The following BTD variants were observed in gnomAD, a reference collection of about 807,000 sequenced individuals.
BTD encodes biocytinase.
In BTD, 13 loss-of-function variants were observed where a neutral mutation model predicts 17.7. The observed-to-expected ratio is 0.74, with a 90% CI of 0.48 to 1.17. The LOEUF (loss-of-function observed/expected upper bound fraction) is 1.17, where lower values mean the gene tolerates loss of function less well. Ranked by LOEUF, BTD falls within the 50% of genes most tolerant of loss-of-function variation. The pLI is 0.00. For synonymous variants in BTD, 240 were observed against 245.2 expected, an observed-to-expected ratio of 0.98 and a Z score of 0.20; for missense variants, 674 against 650.4, an observed-to-expected ratio of 1.04 and a Z score of -0.39.
chr3:15,714,485 C>T (rs2072749216), downstream of BTD: 1 of 855,264 alleles, frequency 1.2e-6, no homozygotes, highest in Non-Finnish European at 1.7e-6. Context: ...AATGCGATGA[C>T]AATTCCTCAA....
chr3:15,718,527 C>T (rs1438544383), intron 4 of BTD, among the ~76,000 whole-genome samples: 2 of 152,122 alleles, frequency 1.3e-5, no homozygotes, highest in Non-Finnish European at 2.9e-5. Flanking sequence ...AAAATACAGA[C>T]TTAAAAACAA....
intron 3 of BTD, among the ~76,000 whole-genome samples, chr3:15,660,736 A>G (rs2065913343): frequency 6.6e-6 from 1 of 152,166 alleles, no homozygotes; most frequent in East Asian, 1.9e-4. Context: ...CATACAGAGT[A>G]ACTTTGCTCT....
At chr3:15,643,915 A>T (rs1266367937) in intron 3 of BTD, among the ~76,000 whole-genome samples, 2 of 149,796 alleles carry the variant, frequency 1.3e-5, no homozygotes, top group African/African-American at 4.9e-5. Flanking sequence ...AAGAAAAGAA[A>T]GAAAAAAAAA....
intron 3 of BTD, among the ~76,000 whole-genome samples, chr3:15,700,538 G>A (rs771730167): frequency 5.9e-5 from 9 of 152,042 alleles, no homozygotes; most frequent in Non-Finnish European, 1.2e-4. Context: ...CACTTTGAGA[G>A]GCTGAGGCGG....
chr3:15,698,639 A>C (rs1447118986), intron 3 of BTD, among the ~76,000 whole-genome samples: 1 of 152,228 alleles, frequency 6.6e-6, no homozygotes, highest in African/African-American at 2.4e-5. Context: ...TCCCATTCAC[A>C]ACTGCTACAA....
At chr3:15,704,135 T>C (rs1473924367) in intron 3 of BTD, among the ~76,000 whole-genome samples, 2 of 152,182 alleles carry the variant, frequency 1.3e-5, no homozygotes, top group Admixed American at 1.3e-4. Flanking sequence ...TTTATTAATA[T>C]TTCACATATT....
rs376696129 is a variant in BTD at position 15,642,096 on chromosome 3, C to T, written c.399+39C>T. Reference sequence around the variant, plus strand: ...TTTTCCTCAGTAGGCTGAGGGTACACAGAGGTGATCTAAGTCAGGGACCAG... The same window carrying T: ...TTTTCCTCAGTAGGCTGAGGGTACATAGAGGTGATCTAAGTCAGGGACCAG... On this transcript the variant is annotated intron_variant, in intron 3 of 3. Coordinates refer to ENST00000643237, the MANE Select transcript of BTD (RefSeq NM_001370658.1). 6.2e-6 allele frequency: 10 copies of T among 1,612,064 alleles called. No homozygotes were observed. The African/African-American group carries it at 9.3e-5, about 15-fold the overall frequency.
chr3:15,677,440 A>G (rs1204033067), intron 3 of BTD: 2 of 1,470,050 alleles, frequency 1.4e-6, no homozygotes, highest in Non-Finnish European at 1.9e-6. Context: ...GTCACTGTTA[A>G]TATTAACAAT....
intron 1 of BTD, among the ~76,000 whole-genome samples, chr3:15,614,121 C>CT (rs1389454960): frequency 0.01 from 1,333 of 131,642 alleles, 16 homozygotes; most frequent in African/African-American, 0.024. Flanking sequence ...CTCTTTCTTT[C>CT]TTTCTTTTTT....
rs2065797208 is a variant in BTD, at chr3:15,651,200, A to AGCG, written c.*5713_*5715dup. On this transcript the variant is annotated 3_prime_UTR_variant, in exon 4 of 4. Coordinates refer to ENST00000643237, the MANE Select transcript of BTD (RefSeq NM_001370658.1). ...CTGTTTCCCAGGGGAACACTGGGAC[A>AGCG]GCGTTACCAGGGGAAGGGGAGTGGG... Among the ~76,000 whole-genome samples the AGCG allele has an allele frequency of 6.6e-6, 1 of 152,226 alleles. No homozygotes were observed.
chr3:15,643,649 T>G (rs1324812262), intron 3 of BTD, among the ~76,000 whole-genome samples: 2 of 152,230 alleles, frequency 1.3e-5, no homozygotes, highest in African/African-American at 4.8e-5. Context: ...CTTTTCTTTG[T>G]CCTTCTGTGA....
intron 1 of BTD, among the ~76,000 whole-genome samples, chr3:15,618,055 A>G: frequency 6.6e-6 from 1 of 152,230 alleles, no homozygotes; most frequent in East Asian, 1.9e-4. Flanking sequence ...TCCTGGGATC[A>G]AGTGATCTTC....
At chr3:15,610,544 C>T (rs1056753696) in intron 1 of BTD, among the ~76,000 whole-genome samples, 1 of 152,208 alleles carries the variant, frequency 6.6e-6, no homozygotes, top group Non-Finnish European at 1.5e-5. Flanking sequence ...AGTTCATTCT[C>T]ATCCCAGTGA....
rs1219497813 is a variant in BTD, at chr3:15,649,334, C to T, written c.*3846C>T. ...TCTTTTATTAACTAGTCTCAGAAGT[C>T]ACACTGCATCATTTGGCACCATCTT... On this transcript the variant is annotated 3_prime_UTR_variant, in exon 4 of 4. Transcript: ENST00000643237. Among the ~76,000 whole-genome samples, 2 of 152,236 alleles carry T rather than the reference C, an allele frequency of 1.3e-5. No individual in the cohort carries two copies. Among genetic ancestry groups the T allele is most frequent in the African/African-American group, 4.8e-5 (2 of 41,462 alleles).
intron 1 of BTD, among the ~76,000 whole-genome samples, chr3:15,626,396 A>G (rs894386177): frequency 6.6e-6 from 1 of 152,130 alleles, no homozygotes; most frequent in African/African-American, 2.4e-5. Flanking sequence ...TACAACTATC[A>G]TGGAAGACGC....
Position 15,649,528 on chromosome 3 carries a change from A to G in BTD, c.*4040A>G, listed in dbSNP as rs1226578017. ...CCCAACAGTTGCTGTTCCTCAGGCCAAAGTTCACATTCTGCACAGCCTCAG... is the reference window on the plus strand; with the variant it reads ...CCCAACAGTTGCTGTTCCTCAGGCCGAAGTTCACATTCTGCACAGCCTCAG... On this transcript the variant is annotated 3_prime_UTR_variant, in exon 4 of 4. Transcript: ENST00000643237. Among the ~76,000 whole-genome samples the G allele has an allele frequency of 6.6e-6, 1 of 152,194 alleles. No homozygotes were observed. The highest frequency in any genetic ancestry group is 2.4e-5 in the African/African-American group (1 of 41,440).
Position 15,649,833 on chromosome 3 carries a change from C to T in BTD, c.*4345C>T, listed in dbSNP as rs749990165. ...AACTATTTATCTGAGTTCCCTCTGC[C>T]GGAACATGAGCCATGCCTAGAGTAG... On this transcript the variant is annotated 3_prime_UTR_variant, in exon 4 of 4. Coordinates refer to ENST00000643237, the MANE Select transcript of BTD (RefSeq NM_001370658.1). 4.6e-5 allele frequency among the ~76,000 whole-genome samples: 7 copies of T among 152,268 alleles called. No individual in the cohort carries two copies. In the East Asian group the frequency reaches 7.7e-4, roughly 17 times the overall value.
chr3:15,706,379 T>G (rs1166583975), intron 3 of BTD, among the ~76,000 whole-genome samples: 1 of 152,072 alleles, frequency 6.6e-6, no homozygotes, highest in Non-Finnish European at 1.5e-5. Context: ...CTCAGAATGA[T>G]GTTTCCAGCT....
intron 1 of BTD, among the ~76,000 whole-genome samples, chr3:15,634,061 C>A (rs2734308): frequency 2.6e-5 from 4 of 152,212 alleles, no homozygotes; most frequent in Non-Finnish European, 4.4e-5. Flanking sequence ...GAGATGGAAC[C>A]GGGTTGGGGT....
Sources: gnomAD v4.1 joint callset for allele counts (sites outside exome capture counted in the v4.1 genomes callset) on GRCh38, gnomAD v4.1.1 for gene constraint, MANE v1.5 for transcripts, NCBI Gene and HGNC (gene_info 2026-07-23, HGNC 2026-07-21) for gene names.